PTPRD: variants seen among roughly 807,000 people sequenced by gnomAD.
PTPRD encodes the protein protein tyrosine phosphatase receptor type D.
A neutral mutation model predicts 214.5 loss-of-function variants in PTPRD; 34 were observed. That is an observed-to-expected ratio of 0.16 (90% CI 0.12 to 0.21). The LOEUF is 0.21. Ranked by LOEUF, PTPRD falls within the 10% of genes least tolerant of loss-of-function variation. The pLI, the probability that PTPRD is intolerant of heterozygous loss-of-function variation, is 1.00. For synonymous variants in PTPRD, 1,128 were observed against 845.7 expected (o/e 1.33, Z -5.79); for missense variants, 2,545 against 2,398.7 (o/e 1.06, Z -1.27).
At chr9:8,503,531 C>T (rs964361010) in intron 23 of PTPRD, among the ~76,000 whole-genome samples, 6 of 152,032 alleles carry the variant, frequency 3.9e-5, no homozygotes, top group Non-Finnish European at 7.4e-5. Flanking sequence ...AAAACAAAAT[C>T]CTGTATAATA....
chr9:10,432,597 G>T (rs1166241402), intron 2 of PTPRD, among the ~76,000 whole-genome samples: 2 of 151,822 alleles, frequency 1.3e-5, no homozygotes, highest in Non-Finnish European at 2.9e-5. Flanking sequence ...CGACTTCTTA[G>T]ATCAGAAGTG....
chr9:8,803,993 C>G (rs1268571843), intron 11 of PTPRD, among the ~76,000 whole-genome samples: 1 of 152,040 alleles, frequency 6.6e-6, no homozygotes, highest in African/African-American at 2.4e-5. Flanking sequence ...CGCTCTGTTG[C>G]CCAGGCTGGA....
chr9:10,067,910 A>T (rs1290056680), intron 3 of PTPRD, among the ~76,000 whole-genome samples: 1 of 151,924 alleles, frequency 6.6e-6, no homozygotes, highest in Non-Finnish European at 1.5e-5. Flanking sequence ...GTCAATTTCA[A>T]TCTACCCATG....
At chr9:10,080,441 T>C (rs1282169616) in intron 3 of PTPRD, among the ~76,000 whole-genome samples, 2 of 152,062 alleles carry the variant, frequency 1.3e-5, no homozygotes, top group African/African-American at 4.8e-5. Flanking sequence ...AATCCAATCA[T>C]GACACAAGGA....
intron 11 of PTPRD, among the ~76,000 whole-genome samples, chr9:8,894,173 G>A (rs1358945537): frequency 1.3e-5 from 2 of 151,886 alleles, no homozygotes; most frequent in African/African-American, 4.8e-5. Context: ...GGCTAATGTG[G>A]TAAAACCCTG....
At chr9:8,732,852 A>C (rs1457251779) in intron 12 of PTPRD, among the ~76,000 whole-genome samples, 4 of 152,210 alleles carry the variant, frequency 2.6e-5, no homozygotes, top group Non-Finnish European at 5.9e-5. Flanking sequence ...CCTTAACATG[A>C]GTCAAATTTA....
chr9:10,059,704 C>G (rs1042672616), intron 3 of PTPRD, among the ~76,000 whole-genome samples: 1 of 151,360 alleles, frequency 6.6e-6, no homozygotes, highest in Non-Finnish European at 1.5e-5. Context: ...TACTACATCT[C>G]AAATCGTTTT....
At chr9:10,502,242 G>T (rs1490784490) in intron 2 of PTPRD, among the ~76,000 whole-genome samples, 2 of 151,530 alleles carry the variant, frequency 1.3e-5, no homozygotes, top group South Asian at 2.1e-4. Flanking sequence ...CCTATGGCCA[G>T]AAAATTAAAA....
At chr9:9,439,568 C>T (rs912420327) in intron 8 of PTPRD, among the ~76,000 whole-genome samples, 2 of 152,136 alleles carry the variant, frequency 1.3e-5, no homozygotes, top group Admixed American at 1.3e-4. Flanking sequence ...TAGGAAACTG[C>T]TTCATCAGCC....
intron 2 of PTPRD, among the ~76,000 whole-genome samples, chr9:10,374,248 G>C (rs1163738043): frequency 6.6e-6 from 1 of 152,022 alleles, no homozygotes; most frequent in East Asian, 1.9e-4. Context: ...AACAAGTAGA[G>C]GCAATTGTGT....
chr9:10,080,673 A>C (rs2098221925), intron 3 of PTPRD, among the ~76,000 whole-genome samples: 1 of 152,146 alleles, frequency 6.6e-6, no homozygotes, highest in Non-Finnish European at 1.5e-5. Context: ...CCATTATCAC[A>C]CACATTGTAT....
chr9:9,928,771 C>CACACACACACACACACAT (rs2085277321), intron 5 of PTPRD, among the ~76,000 whole-genome samples: 1 of 151,738 alleles, frequency 6.6e-6, no homozygotes, highest in African/African-American at 2.4e-5. Flanking sequence ...CACACACACA[C>CACACACACACACACACAT]ACACACACAC....
intron 3 of PTPRD, among the ~76,000 whole-genome samples, chr9:10,053,175 T>C (rs1416028589): frequency 6.6e-6 from 1 of 152,192 alleles, no homozygotes; most frequent in Non-Finnish European, 1.5e-5. Context: ...GATCCATGTA[T>C]GCTTAAAAGG....
At chr9:9,352,474 C>A (rs894160078) in intron 9 of PTPRD, among the ~76,000 whole-genome samples, 5 of 151,530 alleles carry the variant, frequency 3.3e-5, no homozygotes, top group Non-Finnish European at 7.4e-5. Flanking sequence ...CTGGAAATTA[C>A]AACAAAATCT....
chr9:9,951,306 T>C (rs1425554535), intron 4 of PTPRD, among the ~76,000 whole-genome samples: 1 of 152,208 alleles, frequency 6.6e-6, no homozygotes, highest in Non-Finnish European at 1.5e-5. Context: ...TTTGAAGATA[T>C]TCTTATCTCC....
At chr9:8,785,331 T>A (rs907433658) in intron 11 of PTPRD, among the ~76,000 whole-genome samples, 4 of 152,218 alleles carry the variant, frequency 2.6e-5, no homozygotes, top group Non-Finnish European at 5.9e-5. Flanking sequence ...GAATTACCCA[T>A]GGTTTTAATC....
intron 39 of PTPRD, among the ~76,000 whole-genome samples, chr9:8,358,354 T>A (rs1214240029): frequency 6.6e-6 from 1 of 152,186 alleles, no homozygotes; most frequent in African/African-American, 2.4e-5. Flanking sequence ...ACTGAGTTGA[T>A]GATACTGACT....
At chr9:8,689,346 TG>T (rs2097757323) in intron 12 of PTPRD, among the ~76,000 whole-genome samples, 1 of 152,232 alleles carries the variant, frequency 6.6e-6, no homozygotes, top group Non-Finnish European at 1.5e-5. Context: ...GAAGACTTAC[TG>T]GGTTAATCTG....
At chr9:9,340,739 A>C (rs1192987490) in intron 9 of PTPRD, among the ~76,000 whole-genome samples, 1 of 152,230 alleles carries the variant, frequency 6.6e-6, no homozygotes, top group Non-Finnish European at 1.5e-5. Flanking sequence ...AATTAATACC[A>C]CCAGAATAAA....
Sources: gnomAD v4.1 joint callset for allele counts (sites outside exome capture counted in the v4.1 genomes callset) on GRCh38, gnomAD v4.1.1 for gene constraint, MANE v1.5 for transcripts, NCBI Gene and HGNC (gene_info 2026-07-23, HGNC 2026-07-21) for gene names.